The following ME3 variants were observed in gnomAD, a reference collection of about 807,000 sequenced individuals.
ME3 encodes NADP-dependent malic enzyme, mitochondrial.
Under a neutral mutation model 68.9 loss-of-function variants are expected in ME3, and 48 were observed. The ratio of observed to expected loss-of-function variants is 0.70; its 90% CI spans 0.55 to 0.89. The LOEUF is 0.89. ME3 is among the 40% of genes least tolerant of loss of function. The pLI is 0.00. For missense variants in ME3, 675 were observed against 797.4 expected (o/e 0.85, Z 1.85); for synonymous variants, 320 against 318.8 (o/e 1.00, Z -0.04).
chr11:86,654,532 GACAAAATTCA>G (rs1374541805), intron 2 of ME3, among the ~76,000 whole-genome samples: 2 of 152,188 alleles, frequency 1.3e-5, no homozygotes, highest in African/African-American at 2.4e-5. Context: ...AAAGGCCTTT[GACAAAATTCA>G]ACAACCCTTC....
chr11:86,544,789 C>T (rs914587624), intron 4 of ME3, among the ~76,000 whole-genome samples: 15 of 152,068 alleles, frequency 9.9e-5, no homozygotes, highest in South Asian at 2.1e-4. Context: ...AGAGAGGGAC[C>T]GCTCCCTAAC....
intron 2 of ME3, among the ~76,000 whole-genome samples, chr11:86,647,936 C>G (rs1449817572): frequency 6.6e-6 from 1 of 152,166 alleles, no homozygotes; most frequent in Non-Finnish European, 1.5e-5. Flanking sequence ...ACTCTCCACC[C>G]CAAATCAACA....
chr11:86,522,569 C>T (rs955141122), intron 4 of ME3, among the ~76,000 whole-genome samples: 8 of 151,936 alleles, frequency 5.3e-5, no homozygotes, highest in African/African-American at 1.5e-4. Flanking sequence ...TATGTTATTC[C>T]CCTCCCTGTG....
intron 4 of ME3, among the ~76,000 whole-genome samples, chr11:86,555,703 T>C (rs1248159735): frequency 1.3e-5 from 2 of 152,236 alleles, no homozygotes; most frequent in East Asian, 1.9e-4. Flanking sequence ...AACTAGAAGA[T>C]TGTTTTTCCA....
chr11:86,637,723 G>C (rs1417526927), intron 2 of ME3, among the ~76,000 whole-genome samples: 1 of 152,080 alleles, frequency 6.6e-6, no homozygotes, highest in Non-Finnish European at 1.5e-5. Context: ...AAGAAGGGGA[G>C]TTCATGTATT....
chr11:86,521,399 AC>A (rs1565893592), intron 4 of ME3, among the ~76,000 whole-genome samples: 3,372 of 142,734 alleles, frequency 0.024, 124 homozygotes, highest in African/African-American at 0.064. Flanking sequence ...CATCTCAAAA[AC>A]AAACAAACAA....
At chr11:86,657,288 A>G (rs1204311018) in intron 2 of ME3, among the ~76,000 whole-genome samples, 1 of 152,210 alleles carries the variant, frequency 6.6e-6, no homozygotes, top group Non-Finnish European at 1.5e-5. Context: ...CTATGCAGCC[A>G]TAAAAAAGAA....
chr11:86,526,039 C>T (rs141935348), intron 4 of ME3, among the ~76,000 whole-genome samples: 1,877 of 152,262 alleles, frequency 0.012, 45 homozygotes, highest in African/African-American at 0.042. Context: ...GTGGGTGCAG[C>T]GCACCGAGCA....
intron 2 of ME3, among the ~76,000 whole-genome samples, chr11:86,589,065 G>A (rs1375926648): frequency 6.6e-6 from 1 of 152,196 alleles, no homozygotes; most frequent in Non-Finnish European, 1.5e-5. Context: ...TCCTTTAGCA[G>A]CAGTGGGGTT....
At chr11:86,619,556 A>C (rs2017483) in intron 2 of ME3, among the ~76,000 whole-genome samples, 58,694 of 152,010 alleles carry the variant, frequency 0.39, 11,996 homozygotes, top group East Asian at 0.7. Context: ...ATACTGTTCT[A>C]GTGGTGGTGA....
At chr11:86,639,877 C>T (rs1018438806) in intron 2 of ME3, among the ~76,000 whole-genome samples, 3 of 152,184 alleles carry the variant, frequency 2.0e-5, no homozygotes, top group East Asian at 1.9e-4. Flanking sequence ...CTTCCAACTA[C>T]GTTTCGCATG....
chr11:86,666,725 C>T (rs668753), intron 2 of ME3, among the ~76,000 whole-genome samples: 29,417 of 152,180 alleles, frequency 0.19, 2,962 homozygotes, highest in African/African-American at 0.24. Context: ...CAATAATCCA[C>T]TGTTTCTCTC....
At position 86,518,334 on chromosome 11, in the gene ME3, C is replaced by G. The variant is rs1010798976; in HGVS notation, c.468-9467G>C. Among the ~76,000 whole-genome samples the G allele has an allele frequency of 9.2e-5, 14 of 152,150 alleles. 1 individual carries two copies. Among genetic ancestry groups the G allele is most frequent in the Non-Finnish European group, 2.9e-5 (2 of 68,034 alleles). On this transcript the variant is annotated intron_variant, in intron 4 of 14. Coordinates refer to ENST00000543262, the Ensembl canonical transcript of ME3. The stretch of plus-strand genomic sequence containing the variant: ...ATACCAGGTGAGAAAATGCCCTTAT[C>G]ATGAGAGACTTGGAAATGGAGGCTG...
At chr11:86,601,330 C>G (rs188906102) in intron 2 of ME3, among the ~76,000 whole-genome samples, 1 of 152,134 alleles carries the variant, frequency 6.6e-6, no homozygotes, top group African/African-American at 2.4e-5. Context: ...AACACCTCTA[C>G]GCAAATAAAC....
chr11:86,469,083 T>C (rs1950643127), intron 7 of ME3, among the ~76,000 whole-genome samples: 1 of 151,688 alleles, frequency 6.6e-6, no homozygotes, highest in South Asian at 2.1e-4. Context: ...GCTAAATAGG[T>C]AATAAGGCTG....
chr11:86,471,608 G>A (rs1201871233), intron 7 of ME3, among the ~76,000 whole-genome samples: 5 of 151,902 alleles, frequency 3.3e-5, no homozygotes, highest in East Asian at 1.9e-4. Flanking sequence ...AAATGTATTC[G>A]GCAAGTTATC....
At chr11:86,498,012 T>C (rs779114482) in exon 6 of ME3, 3 of 1,612,142 alleles carry the variant, frequency 1.9e-6, no homozygotes, top group Non-Finnish European at 2.5e-6. Context: ...CTGCTGCGGG[T>C]TCACCCCTCC....
chr11:86,572,015 G>A (rs1205628852), intron 2 of ME3, among the ~76,000 whole-genome samples: 2 of 152,128 alleles, frequency 1.3e-5, no homozygotes, highest in Non-Finnish European at 2.9e-5. Flanking sequence ...AAAAAGTCAA[G>A]GATGAGGAGA....
intron 2 of ME3, among the ~76,000 whole-genome samples, chr11:86,574,481 G>A (rs761304386): frequency 1.1e-4 from 16 of 150,128 alleles, no homozygotes; most frequent in Non-Finnish European, 1.9e-4. Flanking sequence ...TTCTAACACT[G>A]AGGCCCCTCT....
Sources: gnomAD v4.1 joint callset for allele counts (sites outside exome capture counted in the v4.1 genomes callset) on GRCh38, gnomAD v4.1.1 for gene constraint, MANE v1.5 for transcripts, NCBI Gene and HGNC (gene_info 2026-07-23, HGNC 2026-07-21) for gene names.